NHSL1: variants seen among roughly 807,000 people sequenced by gnomAD.
The protein encoded by NHSL1 is NHS-like protein 1.
Under a neutral mutation model 95.0 loss-of-function variants are expected in NHSL1, and 48 were observed. The ratio of observed to expected loss-of-function variants is 0.51; its 90% CI spans 0.40 to 0.64. The LOEUF (loss-of-function observed/expected upper bound fraction) is 0.64, where lower values mean the gene tolerates loss of function less well. NHSL1 is among the 30% of genes least tolerant of loss of function. The pLI, the probability that NHSL1 is intolerant of heterozygous loss-of-function variation, is 0.00. For synonymous variants in NHSL1, 783 were observed against 833.9 expected, an observed-to-expected ratio of 0.94 and a Z score of 1.05; for missense variants, 1,971 against 2,077.7, an observed-to-expected ratio of 0.95 and a Z score of 1.00.
chr6:138,501,121 A>G (rs1246547605), upstream of NHSL1, among the ~76,000 whole-genome samples: 10 of 152,232 alleles, frequency 6.6e-5, no homozygotes, highest in Non-Finnish European at 1.0e-4. Context: ...AAGTGTCACC[A>G]TGCAAATGTC....
intron 4 of NHSL1, among the ~76,000 whole-genome samples, chr6:138,444,959 G>T (rs1776767210): frequency 6.6e-6 from 1 of 152,108 alleles, no homozygotes; most frequent in Admixed American, 6.5e-5. Context: ...ATTACATTTT[G>T]ACATAACTCA....
At chr6:138,448,791 G>A (rs757295320) in intron 3 of NHSL1, among the ~76,000 whole-genome samples, 6 of 152,174 alleles carry the variant, frequency 3.9e-5, no homozygotes, top group Admixed American at 1.3e-4. Flanking sequence ...GATGGCTCAC[G>A]CCTGTAATCC....
intron 5 of NHSL1, among the ~76,000 whole-genome samples, chr6:138,437,846 G>C (rs1354382137): frequency 6.6e-6 from 1 of 152,216 alleles, no homozygotes; most frequent in African/African-American, 2.4e-5. Flanking sequence ...CAAGGAACTA[G>C]AGTTAGAAGT....
intron 1 of NHSL1, among the ~76,000 whole-genome samples, chr6:138,665,488 T>A (rs1385982692): frequency 6.6e-6 from 1 of 152,208 alleles, no homozygotes; most frequent in Admixed American, 6.5e-5. Context: ...GCTCAGCACC[T>A]TTGGTTCAGC....
intron 1 of NHSL1, among the ~76,000 whole-genome samples, chr6:138,682,721 C>A (rs530756027): frequency 6.6e-6 from 1 of 152,292 alleles, no homozygotes; most frequent in East Asian, 1.9e-4. Flanking sequence ...CCCAAATTCG[C>A]CTCATTGGAA....
Position 138,667,976 on chromosome 6 carries a change from T to C in NHSL1, c.96+24500A>G, listed in dbSNP as rs117624848. Among the ~76,000 whole-genome samples, 294 of 152,324 alleles carry C rather than the reference T, an allele frequency of 1.9e-3. 1 individual carries two copies. The highest frequency in any genetic ancestry group is 3.5e-3 in the Non-Finnish European group (237 of 68,024). On this transcript the variant is annotated intron_variant, in intron 1 of 3. Coordinates refer to the NHSL1 transcript ENST00000491526. The stretch of plus-strand genomic sequence containing the variant: ...TAATTTTAATAGTTAATATTTAACT[T>C]CCTTTGAAATCAAAAAAATATTCTA...
chr6:138,620,426 G>T (rs76417170), intron 1 of NHSL1, among the ~76,000 whole-genome samples: 1 of 151,892 alleles, frequency 6.6e-6, no homozygotes, highest in African/African-American at 2.4e-5. Context: ...TGTTTTTTTT[G>T]AGAAGGGTAA....
chr6:138,529,285 A>G (rs1782038379), intron 1 of NHSL1, among the ~76,000 whole-genome samples: 2 of 152,200 alleles, frequency 1.3e-5, no homozygotes, highest in Admixed American at 1.3e-4. Context: ...ACATTGTCCA[A>G]TATTAAGTTC....
At chr6:138,669,154 T>C (rs911269738) in intron 1 of NHSL1, among the ~76,000 whole-genome samples, 2 of 151,940 alleles carry the variant, frequency 1.3e-5, no homozygotes, top group Non-Finnish European at 2.9e-5. Context: ...CTTGAGAAGA[T>C]AGGAAAACAC....
chr6:138,431,551 G>A lies in NHSL1; in HGVS notation c.2794C>T (p.Pro932Ser). ...PAVGSPPAPP[P>S]PPVPSPPFPC... ...AATGGAGGAGAGGGAACAGGAGGAG[G>A]AGGAGGAGCCGGGGGAGAGCCCACG... The change falls in exon 6 of 8, where the codon CCT becomes TCT. Residue 932 changes from proline to serine, a missense_variant. Pro to Ser is a moderately conservative substitution (Grantham distance 74). Transcript: ENST00000343505. The surrounding 1 kb of genome is among the most constrained non-coding windows in gnomAD (Gnocchi z 4.0). 1.3e-6 allele frequency: 2 copies of A among 1,551,192 alleles called. No individual in the cohort carries two copies. Among genetic ancestry groups the A allele is most frequent in the Middle Eastern group, 1.7e-4 (1 of 5,944 alleles).
chr6:138,682,932 G>C (rs929128563), intron 1 of NHSL1, among the ~76,000 whole-genome samples: 1 of 152,210 alleles, frequency 6.6e-6, no homozygotes, highest in Non-Finnish European at 1.5e-5. Flanking sequence ...GGTGCAGGCT[G>C]AGCCCGTCAA....
At chr6:138,438,006 G>A (rs1776298367) in intron 5 of NHSL1, among the ~76,000 whole-genome samples, 1 of 152,150 alleles carries the variant, frequency 6.6e-6, no homozygotes, top group African/African-American at 2.4e-5. Flanking sequence ...TGACAACAAA[G>A]GATTCAGAAT....
intron 1 of NHSL1, among the ~76,000 whole-genome samples, chr6:138,673,031 GTAGATAGA>G (rs113615261): frequency 0.78 from 115,833 of 148,012 alleles, 46,401 homozygotes; most frequent in Middle Eastern, 0.93. Flanking sequence ...AGATAGATAG[GTAGATAGA>G]TAGATAGATA....
At chr6:138,473,230 T>G (rs1778862583) in intron 3 of NHSL1, 76 bp downstream of exon 3, 1 of 1,233,544 alleles carries the variant, frequency 8.1e-7, no homozygotes, top group Non-Finnish European at 1.0e-6. Flanking sequence ...ATTTTGATTT[T>G]ACCAGTTTGT....
rs537952169 is a variant in NHSL1 at position 138,690,785 on chromosome 6, T to C, written c.96+1691A>G. On this transcript the variant is annotated intron_variant, in intron 1 of 3. Transcript: ENST00000491526. ...TTGTGAAAAGTTTTGAAAAGAGTTA[T>C]TTCAGTTACTGTAATTAGAACAACC... is the stretch of plus-strand genomic sequence containing the variant. Among the ~76,000 whole-genome samples the C allele has an allele frequency of 2.0e-5, 3 of 152,298 alleles. No individual in the cohort carries two copies. The East Asian group carries it at 5.8e-4, about 29-fold the overall frequency.
At position 138,473,346 on chromosome 6, in the gene NHSL1, C is replaced by T. The variant is rs1778869122; in HGVS notation, c.299G>A (p.Cys100Tyr). 4 of 1,547,888 alleles carry T rather than the reference C, an allele frequency of 2.6e-6. No homozygotes were observed. The highest frequency in any genetic ancestry group is 2.7e-5 in the African/African-American group (2 of 72,916). The change falls in exon 3 of 8, where the codon TGT becomes TAT. Residue 100 changes from cysteine to tyrosine, a missense_variant. Cys to Tyr is a radical substitution (Grantham distance 194, BLOSUM62 -2). This residue lies in a region of NHSL1 where 1,602 missense variants were observed against 1,654.5 expected (regional missense o/e 0.97). Coordinates refer to ENST00000343505, the MANE Select transcript of NHSL1 (RefSeq NM_001144060.2). ...PTFAANASPFCDDYQDEDEET... is the reference protein window; with the variant it reads ...PTFAANASPFYDDYQDEDEET... The stretch of plus-strand genomic sequence containing the variant: ...TTCATCTTCATCTTGGTAATCATCA[C>T]AGAATGGGCTGGCGTTGGCCGCAAA...
At chr6:138,595,428 T>C (rs1219762947) in intron 1 of NHSL1, among the ~76,000 whole-genome samples, 1 of 152,040 alleles carries the variant, frequency 6.6e-6, no homozygotes, top group Non-Finnish European at 1.5e-5. Flanking sequence ...ATTTAAAAAT[T>C]AGTTGGCTGT....
intron 1 of NHSL1, among the ~76,000 whole-genome samples, chr6:138,562,964 G>T (rs187500975): frequency 1.3e-5 from 2 of 152,198 alleles, no homozygotes; most frequent in Admixed American, 6.5e-5. Context: ...AGTATGAAGT[G>T]CATACTCAAA....
intron 7 of NHSL1, among the ~76,000 whole-genome samples, chr6:138,425,412 A>G (rs1474045648): frequency 2.0e-5 from 3 of 152,196 alleles, no homozygotes; most frequent in African/African-American, 7.2e-5. Context: ...TTTATTTTTA[A>G]CTTTGGAAAA....
Sources: gnomAD v4.1 joint callset for allele counts (sites outside exome capture counted in the v4.1 genomes callset) on GRCh38, gnomAD v4.1.1 for gene constraint, gnomAD v4.1.1 regional missense constraint, Gnocchi (gnomAD v3.1) non-coding constraint, MANE v1.5 for transcripts, NCBI Gene and HGNC (gene_info 2026-07-23, HGNC 2026-07-21) for gene names.